FIZ1: variants seen among roughly 807,000 people sequenced by gnomAD.
FIZ1 encodes flt3-interacting zinc finger protein 1.
A neutral mutation model predicts 5.3 loss-of-function variants in FIZ1; 2 were observed. The observed-to-expected ratio is 0.37, with a 90% CI of 0.15 to 1.18. The LOEUF (loss-of-function observed/expected upper bound fraction) is 1.18. Ranked by LOEUF, FIZ1 falls within the 50% of genes most tolerant of loss-of-function variation. The pLI is 0.37. For synonymous variants in FIZ1, 407 were observed against 364.2 expected (o/e 1.12, Z -1.34); for missense variants, 631 against 749.7 (o/e 0.84, Z 1.85).
Position 55,592,955 on chromosome 19 carries a change from G to GC in FIZ1, c.985_986insG (p.Thr329SerfsTer55). On this transcript the variant is annotated frameshift_variant, in exon 3 of 3. Coordinates refer to ENST00000221665, the MANE Select transcript of FIZ1 (RefSeq NM_032836.3). LOFTEE classifies it low-confidence loss of function (END_TRUNC). The surrounding 1 kb of genome is among the most constrained non-coding windows in gnomAD (Gnocchi z 6.9). ...GGTCCCGCAGTCGCACTGGTACAGG[G>GC]TGTCTTCCGAGGGCTCGGCGGCCGC... 2 of 1,551,866 alleles carry GC rather than the reference G, an allele frequency of 1.3e-6. No homozygotes were observed. Among genetic ancestry groups the GC allele is most frequent in the Admixed American group, 1.8e-5 (1 of 56,430 alleles).
At chr19:55,596,599 C>T (rs1414706114) in intron 2 of FIZ1, among the ~76,000 whole-genome samples, 2 of 196 alleles carry the variant, frequency 0.01, no homozygotes, top group Non-Finnish European at 0.016. Flanking sequence ...TATCACCTGC[C>T]CTAACCTTCC....
chr19:55,592,799 T>C lies in FIZ1; in HGVS notation c.1142A>G (p.His381Arg). The C allele has an allele frequency of 6.3e-7, 1 of 1,585,450 alleles. No individual in the cohort carries two copies. Among genetic ancestry groups the C allele is most frequent in the South Asian group, 1.1e-5 (1 of 89,544 alleles). ...CGCCTCCTCCCCGCCGCCCTCACCG[T>C]GGCTGACCCGCCGGTGCTCCTCCAA... Reference protein sequence around the residue: ...AALEEHRRVSHGEGGGEEAAT... With the variant: ...AALEEHRRVSRGEGGGEEAAT... Residue 381 changes from histidine to arginine, a missense_variant, in exon 3 of 3, where the codon CAC (histidine) becomes CGC (arginine). His to Arg is a conservative substitution (Grantham distance 29). Coordinates refer to ENST00000221665, the MANE Select transcript of FIZ1 (RefSeq NM_032836.3). The surrounding 1 kb of genome is among the most constrained non-coding windows in gnomAD (Gnocchi z 6.9).
Position 55,592,667 on chromosome 19 carries a change from G to A in FIZ1, c.1274C>T (p.Ser425Leu). The change falls in exon 3 of 3, where the codon TCA (serine) becomes TTA (leucine). Residue 425 changes from serine (S) to leucine (L), a missense_variant. Physicochemically the swap from Ser to Leu is moderately radical, Grantham distance 145. Transcript: ENST00000221665. The surrounding 1 kb of genome is among the most constrained non-coding windows in gnomAD (Gnocchi z 6.9). ...GCSECEKLFR[S>L]PRDLERHVLV... Reference sequence around the variant, plus strand: ...CACGTGCCGCTCCAGGTCTCGCGGTGAGCGGAACAGCTTCTCGCACTCGGA... The same window carrying A: ...CACGTGCCGCTCCAGGTCTCGCGGTAAGCGGAACAGCTTCTCGCACTCGGA... 1 of 1,613,430 alleles carries A rather than the reference G, an allele frequency of 6.2e-7. No homozygotes were observed. Among genetic ancestry groups the A allele is most frequent in the Non-Finnish European group, 8.5e-7 (1 of 1,179,890 alleles).
Position 55,593,201 on chromosome 19 carries a change from T to C in FIZ1, c.740A>G (p.Lys247Arg), listed in dbSNP as rs1323659474. Residue 247 changes from lysine (K) to arginine (R), a missense_variant, in exon 3 of 3, where the codon AAG becomes AGG. Lys to Arg is a conservative substitution (Grantham distance 26, BLOSUM62 2). This residue lies in a region of FIZ1 where 463 missense variants were observed against 455.1 expected (regional missense o/e 1.02). Coordinates refer to ENST00000221665, the MANE Select transcript of FIZ1 (RefSeq NM_032836.3). The surrounding 1 kb of genome is among the most constrained non-coding windows in gnomAD (Gnocchi z 6.3). ...CGGGCCCTGCAGGTCGTGCGTCAGCTTGTGCCGCTCCAGCAGCGCGGGCGC... is the reference window on the plus strand; with the variant it reads ...CGGGCCCTGCAGGTCGTGCGTCAGCCTGTGCCGCTCCAGCAGCGCGGGCGC... ...FNAPALLERH[K>R]LTHDLQGPGA... 1.7e-6 allele frequency: 2 copies of C among 1,207,210 alleles called. No individual in the cohort carries two copies. Among genetic ancestry groups the C allele is most frequent in the South Asian group, 2.2e-5 (1 of 45,388 alleles). 74.8% of individuals were successfully genotyped at this position (1,207,210 alleles called of 1,614,324 possible).
chr19:55,597,730 T>C lies in FIZ1; in HGVS notation c.136A>G (p.Thr46Ala). Reference sequence around the variant, plus strand: ...GGACATGCGTGGGGCTTGAGCGCTGTGTGCCGGGCAAAGTGGCGCCGCAGG... The same window carrying C: ...GGACATGCGTGGGGCTTGAGCGCTGCGTGCCGGGCAAAGTGGCGCCGCAGG... Reference protein sequence around the residue: ...SDLRRHFARHTALKPHACPRC... With the variant: ...SDLRRHFARHAALKPHACPRC... Residue 46 changes from threonine to alanine, a missense_variant, in exon 2 of 3, where the codon ACA becomes GCA. By Grantham distance (58) the Thr-to-Ala change is moderately conservative. Around this residue, in one of 4 missense-constraint regions of FIZ1, gnomAD observed 68 missense variants for 163.4 expected, o/e 0.42. Transcript: ENST00000221665. 1 of 1,614,004 alleles carries C rather than the reference T, an allele frequency of 6.2e-7. No individual in the cohort carries two copies. Among genetic ancestry groups the C allele is most frequent in the Non-Finnish European group, 8.5e-7 (1 of 1,179,936 alleles).
Position 55,597,653 on chromosome 19 carries a change from G to A in FIZ1, c.213C>T (p.Arg71=). The A allele has an allele frequency of 6.2e-7, 1 of 1,613,910 alleles. No homozygotes were observed. The highest frequency in any genetic ancestry group is 8.5e-7 in the Non-Finnish European group (1 of 1,179,906). Residue 71 remains arginine, a synonymous_variant, in exon 2 of 3, where the codon CGC becomes CGT. Coordinates refer to ENST00000221665, the MANE Select transcript of FIZ1 (RefSeq NM_032836.3). ...KHSFNLANHL[R]SHTGERPYRC... Reference sequence around the variant, plus strand: ...GGTAGGGCCGCTCCCCGGTGTGCGAGCGCAGGTGGTTGGCTAGGTTGAAGC... The same window carrying A: ...GGTAGGGCCGCTCCCCGGTGTGCGAACGCAGGTGGTTGGCTAGGTTGAAGC...
intron 1 of FIZ1, 194 bp from the exon 2 acceptor site, chr19:55,598,095 C>G (rs1337240487): frequency 1.1e-5 from 7 of 647,316 alleles, no homozygotes; most frequent in Non-Finnish European, 1.8e-5. Flanking sequence ...ACGCCTGTGG[C>G]AAAATCTTCC....
At chr19:55,597,535 C>T (rs1202148636) in intron 2 of FIZ1, 37 bp downstream of exon 2, 13 of 1,589,822 alleles carry the variant, frequency 8.2e-6, no homozygotes, top group South Asian at 4.5e-5. Context: ...TAGTCCTGAC[C>T]AGGGAGGCCA....
intron 2 of FIZ1, among the ~76,000 whole-genome samples, chr19:55,597,281 T>C (rs1017673521): frequency 6.6e-6 from 1 of 152,220 alleles, no homozygotes; most frequent in Admixed American, 6.5e-5. Context: ...TTGCAGATGC[T>C]GGTGCGTGCA....
Position 55,591,613 on chromosome 19 carries a change from A to G in FIZ1, c.*837T>C, listed in dbSNP as rs1359846389. 1.3e-5 allele frequency: 2 copies of G among 152,364 alleles called. No homozygotes were observed. The highest frequency in any genetic ancestry group is 1.3e-4 in the Admixed American group (2 of 15,278). The allele number at this position is 152,364 out of a possible 1,614,324, so 9.4% of individuals were successfully genotyped here. On this transcript the variant is annotated 3_prime_UTR_variant, in exon 3 of 3. Transcript: ENST00000221665. ...CCACTCAGATGAGTTCACAGGATAA[A>G]GAATTGCGTGGACCGGTCCACACGC...
At position 55,592,565 on chromosome 19, in the gene FIZ1, C is replaced by T. The variant is rs751337187; in HGVS notation, c.1376G>A (p.Arg459His). 1 of 1,612,546 alleles carries T rather than the reference C, an allele frequency of 6.2e-7. No homozygotes were observed. The highest frequency in any genetic ancestry group is 8.5e-7 in the Non-Finnish European group (1 of 1,179,424). The part of the protein sequence containing the change: ...KFFRHECYLK[R>H]HRLLHGTERP... ...CTCGGTGCCGTGCAGCAGCCGGTGG[C>T]GCTTGAGGTAGCACTCGTGGCGGAA... The change falls in exon 3 of 3, where the codon CGC becomes CAC. Residue 459 changes from arginine to histidine, a missense_variant. Coordinates refer to ENST00000221665, the MANE Select transcript of FIZ1 (RefSeq NM_032836.3). The surrounding 1 kb of genome is among the most constrained non-coding windows in gnomAD (Gnocchi z 6.9).
intron 2 of FIZ1, among the ~76,000 whole-genome samples, chr19:55,597,229 C>G (rs1461321079): frequency 6.6e-6 from 1 of 152,194 alleles, no homozygotes; most frequent in African/African-American, 2.4e-5. Context: ...CCTGATAAAC[C>G]TAAGTCTTAA....
rs779770224 is a variant in FIZ1, at chr19:55,592,788, C to T, written c.1153G>A (p.Gly385Ser). ...EHRRVSHGEG[G>S]GEEAATAARE... Reference sequence around the variant, plus strand: ...GCGGCGGTCGCCGCCTCCTCCCCGCCGCCCTCACCGTGGCTGACCCGCCGG... The same window carrying T: ...GCGGCGGTCGCCGCCTCCTCCCCGCTGCCCTCACCGTGGCTGACCCGCCGG... Residue 385 changes from glycine to serine, a missense_variant, in exon 3 of 3, where the codon GGC becomes AGC. This residue lies in a region of FIZ1 where 463 missense variants were observed against 455.1 expected (regional missense o/e 1.02). Transcript: ENST00000221665. The surrounding 1 kb of genome is among the most constrained non-coding windows in gnomAD (Gnocchi z 6.9). 6.3e-6 allele frequency: 10 copies of T among 1,594,216 alleles called. No individual in the cohort carries two copies. In the East Asian group the frequency reaches 9.0e-5, roughly 14 times the overall value.
rs1306603783 is a variant in FIZ1, at chr19:55,592,939, G to C, written c.1002C>G (p.Asp334Glu). ...EPSEDTLYQC[D>E]CGTFFASAAA... Reference sequence around the variant, plus strand: ...CGGCCGACGCAAAGAAGGTCCCGCAGTCGCACTGGTACAGGGTGTCTTCCG... The same window carrying C: ...CGGCCGACGCAAAGAAGGTCCCGCACTCGCACTGGTACAGGGTGTCTTCCG... The change falls in exon 3 of 3, where the codon GAC becomes GAG. Residue 334 changes from aspartate (D) to glutamate (E), a missense_variant. By Grantham distance (45) the Asp-to-Glu change is conservative. Coordinates refer to ENST00000221665, the MANE Select transcript of FIZ1 (RefSeq NM_032836.3). This position sits in a 1 kb window ranked among gnomAD's most constrained non-coding sequence, Gnocchi z 6.9. 3 of 1,557,680 alleles carry C rather than the reference G, an allele frequency of 1.9e-6. No individual in the cohort carries two copies. Among genetic ancestry groups the C allele is most frequent in the Non-Finnish European group, 2.6e-6 (3 of 1,159,708 alleles).
At chr19:55,595,066 G>GT (rs1231127230) in intron 2 of FIZ1, among the ~76,000 whole-genome samples, 5 of 152,296 alleles carry the variant, frequency 3.3e-5, no homozygotes, top group Admixed American at 3.3e-4. Context: ...CCTTAGAGAG[G>GT]TTTTTTGTAT....
Position 55,592,412 on chromosome 19 carries a change from G to C in FIZ1, c.*38C>G, listed in dbSNP as rs1284180237. On this transcript the variant is annotated 3_prime_UTR_variant, in exon 3 of 3. Transcript: ENST00000221665. The surrounding 1 kb of genome is among the most constrained non-coding windows in gnomAD (Gnocchi z 6.9). ...GTCCCCTGGTCCAGGCCGAGTCCAG[G>C]AGGCTGGGTGGAGGGCAGGGCGCAC... The C allele has an allele frequency of 6.7e-7, 1 of 1,502,356 alleles. No homozygotes were observed. Among genetic ancestry groups the C allele is most frequent in the East Asian group, 2.5e-5 (1 of 40,788 alleles). The allele number at this position is 1,502,356 out of a possible 1,614,324, so 93.1% of individuals were successfully genotyped here.
chr19:55,597,438 G>T (rs1980379326), intron 2 of FIZ1, 134 bp downstream of exon 2: 2 of 1,427,522 alleles, frequency 1.4e-6, no homozygotes. Flanking sequence ...GGGAGGGAGG[G>T]ACATTTTCTA....
In FIZ1 at chr19:55,592,367, G is replaced by A; in HGVS notation, c.*83C>T. The A allele has an allele frequency of 7.7e-7, 1 of 1,299,042 alleles. No individual in the cohort carries two copies. Among genetic ancestry groups the A allele is most frequent in the Non-Finnish European group, 1.0e-6 (1 of 968,292 alleles). 80.5% of individuals were successfully genotyped at this position (1,299,042 alleles called of 1,614,324 possible). A position where few individuals can be genotyped will look rare whatever the true frequency, so the allele number is the denominator to read the frequency against. Reference sequence around the variant, plus strand: ...CTGGATTTGGATTTGGAGGGCCGGGGCCTCACGCGCAGTCCCGAGGTCCCC... The same window carrying A: ...CTGGATTTGGATTTGGAGGGCCGGGACCTCACGCGCAGTCCCGAGGTCCCC... On this transcript the variant is annotated 3_prime_UTR_variant, in exon 3 of 3. Coordinates refer to ENST00000221665, the MANE Select transcript of FIZ1 (RefSeq NM_032836.3). The surrounding 1 kb of genome is among the most constrained non-coding windows in gnomAD (Gnocchi z 6.9).
intron 2 of FIZ1, among the ~76,000 whole-genome samples, chr19:55,594,554 G>T (rs909072809): frequency 6.6e-5 from 10 of 151,654 alleles, no homozygotes; most frequent in African/African-American, 2.4e-4. Flanking sequence ...AAAATTAGCC[G>T]GGCGTGGTGG....
Sources: gnomAD v4.1 joint callset for allele counts (sites outside exome capture counted in the v4.1 genomes callset) on GRCh38, gnomAD v4.1.1 for gene constraint, gnomAD v4.1.1 regional missense constraint, Gnocchi (gnomAD v3.1) non-coding constraint, MANE v1.5 for transcripts, NCBI Gene and HGNC (gene_info 2026-07-23, HGNC 2026-07-21) for gene names.